Variants in UNC5D observed in about 807,000 individuals in gnomAD.
The protein encoded by UNC5D is netrin receptor UNC5D.
In UNC5D, 39 loss-of-function variants were observed where a neutral mutation model predicts 105.4. The observed-to-expected ratio is 0.37, with a 90% CI of 0.29 to 0.48. UNC5D has a LOEUF of 0.48. Among genes scored for constraint, UNC5D ranks in the 20% least tolerant of loss-of-function variants. UNC5D has a pLI of 0.98. For synonymous variants in UNC5D, 452 were observed against 450.4 expected (o/e 1.00, Z -0.04); for missense variants, 991 against 1,202.4 (o/e 0.82, Z 2.60).
chr8:35,509,376 A>T (rs1812540463), intron 1 of UNC5D, among the ~76,000 whole-genome samples: 1 of 150,648 alleles, frequency 6.6e-6, no homozygotes, highest in Non-Finnish European at 1.5e-5. Context: ...CAGGACCAAG[A>T]AGCAGCAAGG....
At chr8:35,771,851 T>A (rs1387732642) in intron 15 of UNC5D, among the ~76,000 whole-genome samples, 1 of 152,200 alleles carries the variant, frequency 6.6e-6, no homozygotes, top group Non-Finnish European at 1.5e-5. Context: ...AGAATTCTAG[T>A]TTCACCTCTG....
At chr8:35,427,180 C>T (rs1311838994) in intron 1 of UNC5D, among the ~76,000 whole-genome samples, 1 of 152,182 alleles carries the variant, frequency 6.6e-6, no homozygotes, top group Non-Finnish European at 1.5e-5. Context: ...TCTGTTAGGT[C>T]TGACAGGTGA....
intron 13 of UNC5D, among the ~76,000 whole-genome samples, chr8:35,757,372 G>A (rs1006049908): frequency 6.6e-6 from 1 of 151,922 alleles, no homozygotes; most frequent in Non-Finnish European, 1.5e-5. Flanking sequence ...TCCCAGCTCC[G>A]TCTAGCCACC....
chr8:35,392,974 T>C (rs1236442788), intron 1 of UNC5D, among the ~76,000 whole-genome samples: 1 of 151,914 alleles, frequency 6.6e-6, no homozygotes, highest in Non-Finnish European at 1.5e-5. Flanking sequence ...ATAACATTCA[T>C]ATATTTTGTT....
At chr8:35,422,162 C>T (rs143844864) in intron 1 of UNC5D, among the ~76,000 whole-genome samples, 3 of 152,178 alleles carry the variant, frequency 2.0e-5, no homozygotes, top group Admixed American at 1.3e-4. Flanking sequence ...CACCAGTTGT[C>T]ACCGGTTGCA....
At chr8:35,459,626 T>G (rs547202226) in intron 1 of UNC5D, among the ~76,000 whole-genome samples, 2 of 152,284 alleles carry the variant, frequency 1.3e-5, no homozygotes, top group East Asian at 3.9e-4. Flanking sequence ...TCTAGCACAT[T>G]CTTTATAAAC....
chr8:35,692,260 T>C (rs1414653539), intron 7 of UNC5D, among the ~76,000 whole-genome samples: 2 of 152,224 alleles, frequency 1.3e-5, no homozygotes, highest in Non-Finnish European at 2.9e-5. Context: ...CTAACCACAT[T>C]GTCTATTCAA....
chr8:35,783,521 C>T (rs902738924), intron 16 of UNC5D, among the ~76,000 whole-genome samples: 15 of 151,844 alleles, frequency 9.9e-5, no homozygotes, highest in African/African-American at 2.7e-4. Context: ...AGACTCAGAA[C>T]GCTGAGCTGG....
intron 7 of UNC5D, among the ~76,000 whole-genome samples, chr8:35,694,150 CGTCGG>C (rs1826595846): frequency 6.6e-6 from 1 of 152,130 alleles, no homozygotes; most frequent in Admixed American, 6.6e-5. Context: ...AGAACCAGCT[CGTCGG>C]TGAGAGTGCA....
At chr8:35,619,703 G>A (rs576343844) in intron 4 of UNC5D, among the ~76,000 whole-genome samples, 1 of 152,304 alleles carries the variant, frequency 6.6e-6, no homozygotes, top group African/African-American at 2.4e-5. Flanking sequence ...TTTACAAACT[G>A]TTTGTAAATG....
intron 1 of UNC5D, among the ~76,000 whole-genome samples, chr8:35,493,087 A>G (rs1171055209): frequency 3.3e-5 from 5 of 152,008 alleles, no homozygotes; most frequent in Non-Finnish European, 7.4e-5. Flanking sequence ...GGGAGGAGAG[A>G]AAATGGTTAA....
At position 35,795,075 on chromosome 8, in the gene UNC5D, C is replaced by T. The variant is rs769328509; in HGVS notation, c.*4512C>T. 1.3e-5 allele frequency: 2 copies of T among 152,112 alleles called. No homozygotes were observed. The highest frequency in any genetic ancestry group is 2.9e-5 in the Non-Finnish European group (2 of 68,012). 9.4% of individuals were successfully genotyped at this position (152,112 alleles called of 1,614,324 possible). ...AACATTTAAACTTCATGTCCTAGCACCCGCCCTCCATCTGACCCAAAGATA... is the reference window on the plus strand; with the variant it reads ...AACATTTAAACTTCATGTCCTAGCATCCGCCCTCCATCTGACCCAAAGATA... On this transcript the variant is annotated 3_prime_UTR_variant, in exon 17 of 17. Coordinates refer to ENST00000404895, the MANE Select transcript of UNC5D (RefSeq NM_080872.4).
chr8:35,431,640 C>T (rs1806643341), intron 1 of UNC5D, among the ~76,000 whole-genome samples: 1 of 151,854 alleles, frequency 6.6e-6, no homozygotes, highest in African/African-American at 2.4e-5. Flanking sequence ...AACACCTGAA[C>T]ACTTATTTTA....
Position 35,767,029 on chromosome 8 carries a change from A to C in UNC5D, c.2441A>C (p.His814Pro), listed in dbSNP as rs1223299959. The C allele has an allele frequency of 4.3e-6, 7 of 1,614,016 alleles. No homozygotes were observed. The highest frequency in any genetic ancestry group is 5.9e-6 in the Non-Finnish European group (7 of 1,179,926). Reference sequence around the variant, plus strand: ...ATCTGCATTCGGCAGCTCAAAGGCCATGAACAGATCCTCCAAGTGCAGACA... The same window carrying C: ...ATCTGCATTCGGCAGCTCAAAGGCCCTGAACAGATCCTCCAAGTGCAGACA... ...CKICIRQLKG[H>P]EQILQVQTSI... The change falls in exon 15 of 17, where the codon CAT becomes CCT. Residue 814 changes from histidine to proline, a missense_variant. Around this residue, in one of 3 missense-constraint regions of UNC5D, gnomAD observed 944 missense variants for 1,131.6 expected, o/e 0.83. Transcript: ENST00000404895.
At chr8:35,434,791 A>G (rs2128978192) in intron 1 of UNC5D, among the ~76,000 whole-genome samples, 1 of 152,266 alleles carries the variant, frequency 6.6e-6, no homozygotes, top group South Asian at 2.1e-4. Context: ...CCTAGATCAA[A>G]TTGCATTAAA....
At chr8:35,493,199 AC>A (rs1811323558) in intron 1 of UNC5D, among the ~76,000 whole-genome samples, 1 of 146,752 alleles carries the variant, frequency 6.8e-6, no homozygotes, top group Admixed American at 7.2e-5. Context: ...CATTCTCTGT[AC>A]CCCAACAACA....
chr8:35,556,285 G>C (rs1017871742), intron 2 of UNC5D, among the ~76,000 whole-genome samples: 1 of 152,074 alleles, frequency 6.6e-6, no homozygotes, highest in Non-Finnish European at 1.5e-5. Context: ...TTTGCATTCC[G>C]AGAACATAAC....
intron 16 of UNC5D, among the ~76,000 whole-genome samples, chr8:35,789,895 A>AACACACACACACACACAC (rs56702865): frequency 7.0e-5 from 10 of 142,680 alleles, no homozygotes; most frequent in African/African-American, 2.3e-4. Flanking sequence ...TCAAGAAGAA[A>AACACACACACACACACAC]ACACACACAC....
chr8:35,387,932 G>C (rs1803510890), intron 1 of UNC5D, among the ~76,000 whole-genome samples: 1 of 152,166 alleles, frequency 6.6e-6, no homozygotes, highest in Admixed American at 6.5e-5. Context: ...AGGGAAAATT[G>C]ATCGGCTAAG....
Sources: gnomAD v4.1 joint callset for allele counts (sites outside exome capture counted in the v4.1 genomes callset) on GRCh38, gnomAD v4.1.1 for gene constraint, gnomAD v4.1.1 regional missense constraint, MANE v1.5 for transcripts, NCBI Gene and HGNC (gene_info 2026-07-23, HGNC 2026-07-21) for gene names.